The following UBN2 variants were observed in gnomAD, a reference collection of about 807,000 sequenced individuals.
UBN2 encodes the protein ubinuclein-2.
In UBN2, 35 loss-of-function variants were observed where a neutral mutation model predicts 120.2. The observed-to-expected ratio is 0.29, with a 90% confidence interval of 0.22 to 0.39. The LOEUF is 0.39. UBN2 is among the 10% of genes least tolerant of loss of function. The pLI is 1.00. For synonymous variants in UBN2, 661 were observed against 648.7 expected, an observed-to-expected ratio of 1.02 and a Z score of -0.29; for missense variants, 1,693 against 1,663.2, an observed-to-expected ratio of 1.02 and a Z score of -0.31.
At chr7:139,314,223 A>G in the UBN2 span, among the ~76,000 whole-genome samples, 3 of 148,514 alleles carry the variant, frequency 2.0e-5, no homozygotes, top group South Asian at 2.3e-4. Flanking sequence ...TTGGGAGGCC[A>G]AGGCAGGCGG....
intron 3 of UBN2, among the ~76,000 whole-genome samples, chr7:139,254,778 A>G (rs1011757239): frequency 6.6e-6 from 1 of 152,248 alleles, no homozygotes; most frequent in Non-Finnish European, 1.5e-5. Flanking sequence ...TTTTTAAATT[A>G]ATAAACTTTC....
chr7:139,309,493 T>A (rs1798419490), downstream of UBN2, among the ~76,000 whole-genome samples: 1 of 152,250 alleles, frequency 6.6e-6, no homozygotes, highest in Non-Finnish European at 1.5e-5. Flanking sequence ...TAACTATACT[T>A]AACTGTGTTT....
chr7:139,309,031 C>G (rs1433490070), downstream of UBN2, among the ~76,000 whole-genome samples: 2 of 152,178 alleles, frequency 1.3e-5, no homozygotes, highest in Non-Finnish European at 2.9e-5. Flanking sequence ...TGCACCACTG[C>G]ACTCCAGCCT....
intron 14 of UBN2, 46 bp downstream of exon 14, chr7:139,282,101 GGTTT>G (rs1267909660): frequency 1.9e-6 from 3 of 1,556,292 alleles, no homozygotes; most frequent in Non-Finnish European, 2.6e-6. Context: ...TAACACTCTA[GGTTT>G]GTTTGGGTTT....
At chr7:139,282,586 A>G (rs1797646729) in intron 14 of UBN2, among the ~76,000 whole-genome samples, 1 of 152,200 alleles carries the variant, frequency 6.6e-6, no homozygotes, top group South Asian at 2.1e-4. Flanking sequence ...GCAGAAATGC[A>G]TGGAAGCAGA....
chr7:139,297,395 A>G (rs1216687887), intron 17 of UBN2, among the ~76,000 whole-genome samples: 2 of 152,200 alleles, frequency 1.3e-5, no homozygotes, highest in Non-Finnish European at 2.9e-5. Context: ...CAAAAAAAAA[A>G]AAATGAAATT....
intron 7 of UBN2, among the ~76,000 whole-genome samples, chr7:139,266,773 A>C (rs1797110884): frequency 6.6e-6 from 1 of 152,094 alleles, no homozygotes; most frequent in Admixed American, 6.6e-5. Context: ...TATTACTTAC[A>C]CTGGGGAATA....
At chr7:139,248,005 C>G (rs1796518305) in intron 2 of UBN2, among the ~76,000 whole-genome samples, 1 of 152,130 alleles carries the variant, frequency 6.6e-6, no homozygotes. Context: ...TTGTGTATAA[C>G]TATAAAATCC....
intron 4 of UBN2, 78 bp downstream of exon 4, chr7:139,258,703 G>A (rs978918881): frequency 3.4e-5 from 44 of 1,282,644 alleles, no homozygotes; most frequent in Middle Eastern, 4.0e-4. Context: ...TGTGTCACAC[G>A]TGTGAATGTA....
rs1159069883 is a variant in UBN2, at chr7:139,231,684, C to T, written c.200C>T (p.Ser67Leu). Residue 67 changes from serine (S) to leucine (L), a missense_variant, in exon 1 of 18, where the codon TCG becomes TTG. Around this residue, in one of 5 missense-constraint regions of UBN2, gnomAD observed 663 missense variants for 591.2 expected, o/e 1.12. Transcript: ENST00000473989. ...CCCCGCTCGGACGCGCAGCCCCCGT[C>T]GCGGGAGAAGCCGCTCCCCCAGCGC... Reference protein sequence around the residue: ...PAPRSDAQPPSREKPLPQREV... With the variant: ...PAPRSDAQPPLREKPLPQREV... 2.5e-6 allele frequency: 3 copies of T among 1,182,456 alleles called. No homozygotes were observed. The highest frequency in any genetic ancestry group is 3.1e-6 in the Non-Finnish European group (3 of 959,306). 73.2% of individuals were successfully genotyped at this position (1,182,456 alleles called of 1,614,324 possible).
downstream of UBN2, among the ~76,000 whole-genome samples, chr7:139,309,585 G>T (rs1798420900): frequency 6.6e-6 from 1 of 152,112 alleles, no homozygotes; most frequent in African/African-American, 2.4e-5. Context: ...TATTTGGCAT[G>T]GGTCACTTTT....
At chr7:139,242,001 C>A (rs564867347) in intron 2 of UBN2, among the ~76,000 whole-genome samples, 10 of 150,656 alleles carry the variant, frequency 6.6e-5, no homozygotes, top group Admixed American at 3.9e-4. Context: ...CCAGCTCCCC[C>A]CCCCAAAAAA....
intron 1 of UBN2, among the ~76,000 whole-genome samples, chr7:139,236,246 C>G (rs1796160383): frequency 6.6e-6 from 1 of 152,124 alleles, no homozygotes. Context: ...AATAAACTTT[C>G]ACTCTCCCCT....
chr7:139,238,323 T>A (rs1459613773), intron 2 of UBN2, among the ~76,000 whole-genome samples: 1 of 152,176 alleles, frequency 6.6e-6, no homozygotes, highest in Non-Finnish European at 1.5e-5. Flanking sequence ...GTAGAAGAAG[T>A]AGATGAGAAT....
intron 15 of UBN2, 84 bp from the exon 16 acceptor site, chr7:139,293,148 T>C: frequency 9.0e-7 from 1 of 1,116,544 alleles, no homozygotes; most frequent in South Asian, 1.4e-5. Flanking sequence ...AGGCACAGTC[T>C]TGCATCTGTG....
chr7:139,252,098 T>C (rs375347227), intron 3 of UBN2, 41 bp downstream of exon 3: 2 of 1,537,468 alleles, frequency 1.3e-6, no homozygotes, highest in South Asian at 1.1e-5. Context: ...ATTCATTGTT[T>C]GTATGGGATA....
intron 12 of UBN2, among the ~76,000 whole-genome samples, chr7:139,278,924 A>G (rs867757373): frequency 6.6e-6 from 1 of 151,614 alleles, no homozygotes; most frequent in African/African-American, 2.4e-5. Flanking sequence ...GAATTTTTAC[A>G]TTACAAAAAT....
At chr7:139,261,206 C>G (rs144367686) in intron 5 of UBN2, 46 bp from the exon 6 acceptor site, 1 of 1,528,558 alleles carries the variant, frequency 6.5e-7, no homozygotes, top group African/African-American at 1.4e-5. Context: ...GACACTTTAA[C>G]GTTTAAAATC....
At chr7:139,293,750 T>G in intron 16 of UBN2, 139 bp from the exon 17 acceptor site, 1 of 753,858 alleles carries the variant, frequency 1.3e-6, no homozygotes, top group South Asian at 1.7e-5. Context: ...ATAAGTAAAT[T>G]TTCAAAAACG....
Sources: gnomAD v4.1 joint callset for allele counts (sites outside exome capture counted in the v4.1 genomes callset) on GRCh38, gnomAD v4.1.1 for gene constraint, gnomAD v4.1.1 regional missense constraint, MANE v1.5 for transcripts, NCBI Gene and HGNC (gene_info 2026-07-23, HGNC 2026-07-21) for gene names.